TMC1: variants seen among roughly 807,000 people sequenced by gnomAD.
TMC1 encodes transmembrane channel like 1, also known as transmembrane channel-like protein 1.
In TMC1, 84 loss-of-function variants were observed where a neutral mutation model predicts 105.8. The ratio of observed to expected loss-of-function variants is 0.79; its 90% CI spans 0.67 to 0.95. TMC1 has a LOEUF of 0.95. Ranked by LOEUF, TMC1 falls within the 40% of genes least tolerant of loss-of-function variation. The pLI is 0.00. For synonymous variants in TMC1, 315 were observed against 311.5 expected (o/e 1.01, Z -0.12); for missense variants, 817 against 914.1 (o/e 0.89, Z 1.37).
chr9:72,661,673 A>G (rs1825971501), intron 5 of TMC1, among the ~76,000 whole-genome samples: 2 of 152,174 alleles, frequency 1.3e-5, no homozygotes, highest in East Asian at 1.9e-4. Context: ...ATGACTACTG[A>G]CCACTTTTTT....
At chr9:72,781,837 A>G (rs1216372393) in intron 13 of TMC1, among the ~76,000 whole-genome samples, 1 of 152,192 alleles carries the variant, frequency 6.6e-6, no homozygotes, top group African/African-American at 2.4e-5. Context: ...ATCAACCAGA[A>G]AAAGTCCTGG....
Position 72,540,464 on chromosome 9 carries a change from C to T in TMC1, c.-428+18551C>T, listed in dbSNP as rs576796382. Among the ~76,000 whole-genome samples the T allele has an allele frequency of 4.6e-5, 7 of 151,828 alleles. No homozygotes were observed. In the East Asian group the frequency reaches 1.4e-3, roughly 30 times the overall value. On this transcript the variant is annotated intron_variant, in intron 1 of 23. Transcript: ENST00000297784. The stretch of plus-strand genomic sequence containing the variant: ...CCAGCTTTCTGCCAGGAATTTACCT[C>T]AGGGAAATTCCTCATCTTTGACTTT...
chr9:72,655,980 CCACA>C, intron 5 of TMC1: 1 of 787,688 alleles, frequency 1.3e-6, no homozygotes. Context: ...AGAACCTTCA[CCACA>C]TGGAGTTTTT....
At chr9:72,641,849 G>T (rs1413615754) in intron 4 of TMC1, among the ~76,000 whole-genome samples, 2 of 118,488 alleles carry the variant, frequency 1.7e-5, no homozygotes, top group East Asian at 4.8e-4. Context: ...AGACAGTCTC[G>T]CTCTATTGCC....
At chr9:72,528,948 T>C (rs1031501121) in intron 1 of TMC1, among the ~76,000 whole-genome samples, 2 of 152,146 alleles carry the variant, frequency 1.3e-5, no homozygotes, top group Admixed American at 6.5e-5. Flanking sequence ...GTATTGAACA[T>C]GTATAGATTT....
At chr9:72,698,711 G>A (rs1826592178) in intron 7 of TMC1, among the ~76,000 whole-genome samples, 1 of 152,182 alleles carries the variant, frequency 6.6e-6, no homozygotes, top group Non-Finnish European at 1.5e-5. Context: ...GGAAAGGGTT[G>A]AAACGAAAAC....
intron 17 of TMC1, among the ~76,000 whole-genome samples, chr9:72,802,254 T>TACATATATACATACATAC: frequency 6.7e-6 from 1 of 149,160 alleles, no homozygotes; most frequent in African/African-American, 2.5e-5. Context: ...TACATACATA[T>TACATATATACATACATAC]ATACATACAT....
intron 20 of TMC1, among the ~76,000 whole-genome samples, chr9:72,825,366 T>G (rs940378378): frequency 2.6e-5 from 4 of 152,238 alleles, no homozygotes; most frequent in African/African-American, 9.6e-5. Flanking sequence ...TATTGTATGA[T>G]AGCATACTTT....
intron 18 of TMC1, among the ~76,000 whole-genome samples, chr9:72,810,012 A>G (rs542478025): frequency 3.4e-4 from 52 of 152,006 alleles, no homozygotes; most frequent in Non-Finnish European, 6.0e-4. Flanking sequence ...AGAGGAGGAG[A>G]CATTTGAACT....
In TMC1 at chr9:72,550,593, G is replaced by A. The variant is rs371265565; in HGVS notation, c.-427-27309G>A. On this transcript the variant is annotated intron_variant, in intron 1 of 23. Coordinates refer to ENST00000297784, the MANE Select transcript of TMC1 (RefSeq NM_138691.3). Reference sequence around the variant, plus strand: ...GAATGGCGTGAACCCAGGAGGCGGAGCTTGCAGTGAGCTGAGATGGCGCCA... The same window carrying A: ...GAATGGCGTGAACCCAGGAGGCGGAACTTGCAGTGAGCTGAGATGGCGCCA... Among the ~76,000 whole-genome samples, 27 of 144,488 alleles carry A rather than the reference G, an allele frequency of 1.9e-4. No individual in the cohort carries two copies. In the East Asian group the frequency reaches 3.9e-3, roughly 21 times the overall value. The allele number at this position is 144,488 out of a possible 152,430, so 94.8% of individuals were successfully genotyped here. A position where few individuals can be genotyped will look rare whatever the true frequency, so the allele number is the denominator to read the frequency against.
chr9:72,777,896 G>A (rs1467435735), intron 13 of TMC1, among the ~76,000 whole-genome samples: 1 of 152,122 alleles, frequency 6.6e-6, no homozygotes, highest in East Asian at 1.9e-4. Context: ...GTATTTACTT[G>A]GTGAGGCTCT....
At chr9:72,554,900 A>G (rs917186566) in intron 1 of TMC1, among the ~76,000 whole-genome samples, 34 of 152,048 alleles carry the variant, frequency 2.2e-4, no homozygotes, top group African/African-American at 8.0e-4. Flanking sequence ...ATTTTTTGAG[A>G]TGGAGTCTCA....
At chr9:72,535,886 G>A (rs1166709882) in intron 1 of TMC1, among the ~76,000 whole-genome samples, 1 of 152,170 alleles carries the variant, frequency 6.6e-6, no homozygotes, top group Non-Finnish European at 1.5e-5. Context: ...AGAACTCACT[G>A]ACTCTTTCTA....
At chr9:72,688,024 A>G (rs1826404695) in intron 5 of TMC1, among the ~76,000 whole-genome samples, 1 of 152,146 alleles carries the variant, frequency 6.6e-6, no homozygotes, top group Admixed American at 6.6e-5. Context: ...ATGCCTTTAT[A>G]AAAATGAAGC....
chr9:72,750,356 T>A (rs1212443530), intron 10 of TMC1, among the ~76,000 whole-genome samples: 2 of 152,222 alleles, frequency 1.3e-5, no homozygotes, highest in African/African-American at 4.8e-5. Context: ...AGCCAGGGAC[T>A]GAAGGTGTTT....
intron 8 of TMC1, among the ~76,000 whole-genome samples, chr9:72,705,259 T>C (rs1175848264): frequency 6.6e-6 from 1 of 152,202 alleles, no homozygotes; most frequent in African/African-American, 2.4e-5. Flanking sequence ...TTATATGTGG[T>C]AGATTGAAAG....
chr9:72,710,069 A>G (rs1826811144), intron 8 of TMC1, among the ~76,000 whole-genome samples: 1 of 152,168 alleles, frequency 6.6e-6, no homozygotes, highest in Non-Finnish European at 1.5e-5. Flanking sequence ...TGTTCAGTTC[A>G]AAGAATTTTT....
At position 72,764,372 on chromosome 9, in the gene TMC1, C is replaced by A. The variant is rs79168158; in HGVS notation, c.742-8041C>A. ...TCCAGAAGTCAACCAGCCAACAAAA[C>A]CCTCTAATATGCTTTTAATCTCCTC... On this transcript the variant is annotated intron_variant, in intron 12 of 23. Transcript: ENST00000297784. 1.9e-4 allele frequency among the ~76,000 whole-genome samples: 29 copies of A among 152,176 alleles called. 1 individual carries two copies. The highest frequency in any genetic ancestry group is 7.0e-4 in the African/African-American group (29 of 41,522).
chr9:72,655,049 C>T (rs1825864020), intron 5 of TMC1, among the ~76,000 whole-genome samples: 1 of 152,102 alleles, frequency 6.6e-6, no homozygotes, highest in African/African-American at 2.4e-5. Flanking sequence ...AGGGTGGGAC[C>T]AGGTGGAGGT....
Sources: gnomAD v4.1 joint callset for allele counts (sites outside exome capture counted in the v4.1 genomes callset) on GRCh38, gnomAD v4.1.1 for gene constraint, MANE v1.5 for transcripts, NCBI Gene and HGNC (gene_info 2026-07-23, HGNC 2026-07-21) for gene names.